PWWP3A: variants seen among roughly 807,000 people sequenced by gnomAD.
PWWP3A encodes the protein PWWP domain-containing DNA repair factor 3A.
Under a neutral mutation model 79.0 loss-of-function variants are expected in PWWP3A, and 53 were observed. The observed-to-expected ratio is 0.67, with a 90% CI of 0.54 to 0.84. PWWP3A has a LOEUF of 0.84. Ranked by LOEUF, PWWP3A falls within the 40% of genes least tolerant of loss-of-function variation. PWWP3A has a pLI of 0.00. For missense variants in PWWP3A, 973 were observed against 948.0 expected (o/e 1.03, Z -0.35); for synonymous variants, 443 against 394.4 (o/e 1.12, Z -1.46).
chr19:1,362,739 G>A (rs2082046883), intron 6 of PWWP3A, among the ~76,000 whole-genome samples: 1 of 152,238 alleles, frequency 6.6e-6, no homozygotes. Flanking sequence ...TGGTGATGGC[G>A]TTTGGGGGGC....
chr19:1,366,261 A>C, intron 7 of PWWP3A, 44 bp from the exon 8 acceptor site: 1 of 1,586,048 alleles, frequency 6.3e-7, no homozygotes, highest in South Asian at 1.1e-5. Flanking sequence ...AAAATCCACG[A>C]TCTCTTTTGT....
rs1345292242 is a variant in PWWP3A at position 1,376,546 on chromosome 19, C to T, written c.2103C>T (p.Leu701=). The change falls in exon 14 of 14, where the codon CTC becomes CTT. Residue 701 remains leucine, a synonymous_variant. Transcript: ENST00000591337. The part of the protein sequence containing the change: ...YREKEIFDNQ[L]LEERNRRRR ...AAAAAGAAATATTTGACAACCAGCT[C>T]CTTGAAGAGCGGAACCGGCGCCGTC... 8 of 1,613,472 alleles carry T rather than the reference C, an allele frequency of 5.0e-6. No homozygotes were observed. The highest frequency in any genetic ancestry group is 5.9e-6 in the Non-Finnish European group (7 of 1,179,892).
chr19:1,360,191 G>A lies in PWWP3A; in HGVS notation c.270G>A (p.Ser90=), dbSNP rs747504258. 1.5e-5 allele frequency: 24 copies of A among 1,604,672 alleles called. No individual in the cohort carries two copies. Among genetic ancestry groups the A allele is most frequent in the African/African-American group, 8.0e-5 (6 of 74,582 alleles). Residue 90 remains serine (S), a synonymous_variant, in exon 5 of 14, where the codon TCG becomes TCA. Transcript: ENST00000591337. The surrounding 1 kb of genome is among the most constrained non-coding windows in gnomAD (Gnocchi z 4.4). ...TGGAAGAACTGGCCTACAGACGGTC[G>A]CTTCGCGTGGCTCTGGACGTTCTGA... The part of the protein sequence containing the change: ...APLEELAYRR[S]LRVALDVLSE...
In PWWP3A at chr19:1,356,196, A is replaced by G. The variant is rs574840539; in HGVS notation, c.-69-128A>G. ...CTGCTTTTTGGCATTGAGCATCTCAATGCAAGATTGTGGAATTAAACCATC... is the reference window on the plus strand; with the variant it reads ...CTGCTTTTTGGCATTGAGCATCTCAGTGCAAGATTGTGGAATTAAACCATC... On this transcript the variant is annotated intron_variant, in intron 1 of 13. Coordinates refer to ENST00000591337, the MANE Select transcript of PWWP3A (RefSeq NM_001369789.1). The G allele has an allele frequency of 6.3e-5, 39 of 623,150 alleles. No homozygotes were observed. In the African/African-American group the frequency reaches 6.5e-4, roughly 10 times the overall value. 38.6% of individuals were successfully genotyped at this position (623,150 alleles called of 1,614,324 possible). A position where few individuals can be genotyped will look rare whatever the true frequency, so the allele number is the denominator to read the frequency against.
At chr19:1,366,209 G>C in intron 7 of PWWP3A, 96 bp from the exon 8 acceptor site, 1 of 1,182,068 alleles carries the variant, frequency 8.5e-7, no homozygotes, top group Non-Finnish European at 1.2e-6. Context: ...GCTGGGGTCA[G>C]CGCCTGTTAG....
intron 6 of PWWP3A, 55 bp from the exon 7 acceptor site, chr19:1,364,454 T>G: frequency 7.3e-7 from 1 of 1,368,160 alleles, no homozygotes; most frequent in Non-Finnish European, 1.0e-6. Flanking sequence ...GTGCTTGATA[T>G]GGATTTGACT....
intron 5 of PWWP3A, 67 bp from the exon 6 acceptor site, chr19:1,362,183 G>A (rs756720911): frequency 1.7e-5 from 24 of 1,375,396 alleles, no homozygotes; most frequent in Middle Eastern, 1.8e-4. Context: ...GTCATGAAAT[G>A]TTTTCTTGGG....
chr19:1,357,083 T>C lies in PWWP3A; in HGVS notation c.132T>C (p.Ser44=), dbSNP rs713042. The C allele has an allele frequency of 0.78, 1,257,614 of 1,609,688 alleles. 493,683 individuals are homozygous for C. Among genetic ancestry groups the C allele is most frequent in the Non-Finnish European group, 0.8 (942,981 of 1,177,768 alleles). ...KEYFLAVQIL[S]LEEKIKVKST... ...ATTTTCTAGCTGTGCAAATCCTCTC[T>C]CTAGAGGAAAAGTTAAGTGTTGTGT... Residue 44 remains serine, a synonymous_variant, in exon 3 of 14, where the codon TCT becomes TCC. Coordinates refer to ENST00000591337, the MANE Select transcript of PWWP3A (RefSeq NM_001369789.1).
intron 7 of PWWP3A, among the ~76,000 whole-genome samples, chr19:1,366,062 T>C (rs2082120942): frequency 6.6e-6 from 1 of 152,250 alleles, no homozygotes; most frequent in Admixed American, 6.5e-5. Context: ...GTAGCTGTGG[T>C]TCTTTTTATT....
Position 1,369,658 on chromosome 19 carries a change from G to A in PWWP3A, c.1549+12G>A, listed in dbSNP as rs2082208705. 2 of 1,613,978 alleles carry A rather than the reference G, an allele frequency of 1.2e-6. No homozygotes were observed. The highest frequency in any genetic ancestry group is 2.7e-5 in the African/African-American group (2 of 74,934). The stretch of plus-strand genomic sequence containing the variant: ...CGCGGCTGATATAAGTAAGTCTACA[G>A]GCACATCTTGGAAAATGTGGTTTGC... On this transcript the variant is annotated intron_variant, in intron 11 of 13. Coordinates refer to ENST00000591337, the MANE Select transcript of PWWP3A (RefSeq NM_001369789.1). This position sits in a 1 kb window ranked among gnomAD's most constrained non-coding sequence, Gnocchi z 4.0.
In PWWP3A at chr19:1,371,018, G is replaced by C; in HGVS notation, c.1926G>C (p.Lys642Asn). The C allele has an allele frequency of 6.4e-7, 1 of 1,574,744 alleles. No homozygotes were observed. The highest frequency in any genetic ancestry group is 8.6e-7 in the Non-Finnish European group (1 of 1,159,958). Residue 642 changes from lysine to asparagine, a missense_variant, in exon 12 of 14, where the codon AAG (lysine) becomes AAC (asparagine). Transcript: ENST00000591337. The stretch of plus-strand genomic sequence containing the variant: ...GCGTCTACCAGGAGGTGGGGGCCAA[G>C]GTGCTCCAGCGCACCAACGGCGACC... ...LQGVYQEVGA[K>N]VLQRTNGDRI...
At chr19:1,375,462 ATT>A (rs2144774348) in intron 13 of PWWP3A, among the ~76,000 whole-genome samples, 1 of 134,210 alleles carries the variant, frequency 7.5e-6, no homozygotes, top group Admixed American at 8.5e-5. Flanking sequence ...TATAATGTAT[ATT>A]ATATAAAATT....
intron 3 of PWWP3A, 99 bp downstream of exon 3, chr19:1,357,193 T>A: frequency 1.3e-6 from 1 of 797,798 alleles, no homozygotes; most frequent in South Asian, 1.7e-5. Flanking sequence ...AGCCCACTCT[T>A]AATGGGCTTA....
chr19:1,357,399 C>CTTT (rs66856576), intron 3 of PWWP3A: 25,855 of 127,760 alleles, frequency 0.2, 3,052 homozygotes, highest in African/African-American at 0.27. Flanking sequence ...GGGATATTTC[C>CTTT]TTTTTTTTTT....
Position 1,376,289 on chromosome 19 carries a change from CTGTTTGTTTTTTTTTT to C in PWWP3A, c.2076-212_2076-197del, listed in dbSNP as rs1317315402. Among the ~76,000 whole-genome samples the C allele has an allele frequency of 2.7e-3, 220 of 81,230 alleles. 4 individuals are homozygous for C. Among genetic ancestry groups the C allele is most frequent in the African/African-American group, 0.011 (200 of 17,776 alleles). 53.3% of individuals were successfully genotyped at this position (81,230 alleles called of 152,430 possible). A position where few individuals can be genotyped will look rare whatever the true frequency, so the allele number is the denominator to read the frequency against. On this transcript the variant is annotated intron_variant, in intron 13 of 13. Transcript: ENST00000591337. ...TACAGACATGCGCCACCACGCCCGG[CTGTTTGTTTTTTTTTT>C]TGTTTGTTTTTTTTTTTTTTTGGTA...
chr19:1,369,261 G>A lies in PWWP3A; in HGVS notation c.1423-4G>A. 1 of 1,614,056 alleles carries A rather than the reference G, an allele frequency of 6.2e-7. No homozygotes were observed. Among genetic ancestry groups the A allele is most frequent in the South Asian group, 1.1e-5 (1 of 91,066 alleles). ...TGACGCCTGCTGCCCGGATCTCATT[G>A]TAGAATCAAGCCAGGGAGGACTTCA... On this transcript the variant is annotated splice_region_variant and splice_polypyrimidine_tract_variant and intron_variant, in intron 9 of 13. Coordinates refer to ENST00000591337, the MANE Select transcript of PWWP3A (RefSeq NM_001369789.1). This position sits in a 1 kb window ranked among gnomAD's most constrained non-coding sequence, Gnocchi z 4.0.
Position 1,373,223 on chromosome 19 carries a change from C to T in PWWP3A, c.2075+63C>T. On this transcript the variant is annotated intron_variant, in intron 13 of 13. Coordinates refer to ENST00000591337, the MANE Select transcript of PWWP3A (RefSeq NM_001369789.1). The stretch of plus-strand genomic sequence containing the variant: ...CTCTGCCTTGCAGTTTCTATTTCCA[C>T]ACCCACAGGCAGTTTGACTCCAGGC... 2.1e-6 allele frequency: 3 copies of T among 1,450,702 alleles called. No homozygotes were observed. The South Asian group carries it at 3.6e-5, about 17-fold the overall frequency. The allele number at this position is 1,450,702 out of a possible 1,614,324, so 89.9% of individuals were successfully genotyped here.
chr19:1,367,278 T>C (rs2082149508), intron 9 of PWWP3A, 58 bp downstream of exon 9: 2 of 1,386,278 alleles, frequency 1.4e-6, no homozygotes, highest in Non-Finnish European at 2.0e-6. Context: ...TTAGTAAATA[T>C]GTCCTCTGTG....
At chr19:1,375,609 A>AATTT (rs1178255071) in intron 13 of PWWP3A, among the ~76,000 whole-genome samples, 1 of 136,910 alleles carries the variant, frequency 7.3e-6, no homozygotes, top group East Asian at 2.0e-4. Flanking sequence ...ATTATAATAT[A>AATTT]TACAATTATA....
Sources: gnomAD v4.1 joint callset for allele counts (sites outside exome capture counted in the v4.1 genomes callset) on GRCh38, gnomAD v4.1.1 for gene constraint, Gnocchi (gnomAD v3.1) non-coding constraint, MANE v1.5 for transcripts, NCBI Gene and HGNC (gene_info 2026-07-23, HGNC 2026-07-21) for gene names.